SNAPC1: variants seen among roughly 807,000 people sequenced by gnomAD.
SNAPC1 encodes the protein small nuclear RNA activating complex polypeptide 1, also known as snRNA-activating protein complex subunit 1.
Under a neutral mutation model 50.1 loss-of-function variants are expected in SNAPC1, and 42 were observed. The ratio of observed to expected loss-of-function variants is 0.84; its 90% CI spans 0.65 to 1.08. The LOEUF (loss-of-function observed/expected upper bound fraction) is 1.08, where lower values mean the gene tolerates loss of function less well. Ranked by LOEUF, SNAPC1 falls within the 50% of genes least tolerant of loss-of-function variation. The pLI, the probability that SNAPC1 is intolerant of heterozygous loss-of-function variation, is 0.00. For missense variants in SNAPC1, 477 were observed against 427.3 expected, an observed-to-expected ratio of 1.12 and a Z score of -1.02; for synonymous variants, 164 against 144.2, an observed-to-expected ratio of 1.14 and a Z score of -0.98.
In SNAPC1 at chr14:61,778,794, T is replaced by G; in HGVS notation, c.763-54T>G. Reference sequence around the variant, plus strand: ...TAATAAATACTTGGGTATTCAGTTTTTCACCTAATGTTTGTGTGTTTTAAC... The same window carrying G: ...TAATAAATACTTGGGTATTCAGTTTGTCACCTAATGTTTGTGTGTTTTAAC... On this transcript the variant is annotated intron_variant, in intron 6 of 9. Transcript: ENST00000216294. The G allele has an allele frequency of 3.7e-6, 4 of 1,068,156 alleles. No individual in the cohort carries two copies. The South Asian group carries it at 5.5e-5, about 15-fold the overall frequency. The allele number at this position is 1,068,156 out of a possible 1,614,324, so 66.2% of individuals were successfully genotyped here.
At chr14:61,767,485 A>G (rs2044956983) in intron 3 of SNAPC1, 133 bp downstream of exon 3, 1 of 486,232 alleles carries the variant, frequency 2.1e-6, no homozygotes, top group Non-Finnish European at 3.2e-6. Flanking sequence ...TTTTTTTTAG[A>G]CAGAGTCTTG....
chr14:61,775,937 T>TA (rs2045032198), intron 4 of SNAPC1, among the ~76,000 whole-genome samples, 158 bp from the exon 5 acceptor site: 1 of 152,214 alleles, frequency 6.6e-6, no homozygotes, highest in African/African-American at 2.4e-5. Context: ...GAAGTTGTAC[T>TA]ATTTTGCTTA....
At chr14:61,788,265 T>C (rs1235914391) in intron 8 of SNAPC1, among the ~76,000 whole-genome samples, 2 of 152,236 alleles carry the variant, frequency 1.3e-5, no homozygotes, top group Non-Finnish European at 2.9e-5. Flanking sequence ...TAAGGTATTG[T>C]AAATACTCTG....
intron 8 of SNAPC1, 127 bp from the exon 9 acceptor site, chr14:61,792,680 C>T (rs1387676352): frequency 6.3e-6 from 3 of 479,568 alleles, no homozygotes; most frequent in African/African-American, 4.1e-5. Flanking sequence ...ATTTCTGTTA[C>T]CATTACAGTT....
rs931799459 is a variant in SNAPC1 at position 61,770,741 on chromosome 14, C to CT, written c.534+2010dup. Reference sequence around the variant, plus strand: ...AAAATTGATGTCATACATATGGATCCTTTTTTTTTGAGATAGATTCTCTCA... The same window carrying CT: ...AAAATTGATGTCATACATATGGATCCTTTTTTTTTTGAGATAGATTCTCTCA... On this transcript the variant is annotated intron_variant, in intron 4 of 9. Transcript: ENST00000216294. Among the ~76,000 whole-genome samples, 7 of 151,000 alleles carry CT rather than the reference C, an allele frequency of 4.6e-5. No homozygotes were observed. In the East Asian group the frequency reaches 5.8e-4, roughly 12 times the overall value.
At chr14:61,772,994 T>C (rs1045061472) in intron 4 of SNAPC1, among the ~76,000 whole-genome samples, 4 of 152,240 alleles carry the variant, frequency 2.6e-5, no homozygotes, top group Non-Finnish European at 5.9e-5. Flanking sequence ...CTATATCTTT[T>C]GTCCTAGCAT....
At chr14:61,762,690 C>A in intron 1 of SNAPC1, 102 bp downstream of exon 1, 2 of 1,382,392 alleles carry the variant, frequency 1.4e-6, no homozygotes, top group Non-Finnish European at 1.0e-6. Context: ...CTGAGAAGAG[C>A]GGCAGTCACC....
chr14:61,768,485 A>G, intron 3 of SNAPC1, 151 bp from the exon 4 acceptor site: 2 of 536,654 alleles, frequency 3.7e-6, no homozygotes, highest in South Asian at 5.6e-5. Flanking sequence ...CAGTCTTTGG[A>G]ACGTGGATAT....
rs779476626 is a variant in SNAPC1, at chr14:61,782,310, G to C, written c.889G>C (p.Gly297Arg). The C allele has an allele frequency of 1.2e-6, 2 of 1,613,002 alleles. No homozygotes were observed. The highest frequency in any genetic ancestry group is 1.7e-6 in the Non-Finnish European group (2 of 1,179,340). ...LDSSDSDSAS[G>R]QGQVKATRKK... ...CTCTTCTGACTCTGATTCTGCATCT[G>C]GTCAAGGGCAAGTCAAAGCAACTAG... is the stretch of plus-strand genomic sequence containing the variant. The change falls in exon 8 of 10, where the codon GGT becomes CGT. Residue 297 changes from glycine to arginine, a missense_variant. By Grantham distance (125) the Gly-to-Arg change is moderately radical. Coordinates refer to ENST00000216294, the MANE Select transcript of SNAPC1 (RefSeq NM_003082.4).
At position 61,789,373 on chromosome 14, in the gene SNAPC1, T is replaced by TA. The variant is rs111815972; in HGVS notation, c.977-3427dup. ...AAAAGTATGATCTCGTTTCTATTAA[T>TA]AAAAAAATATACATACATACACACA... is the stretch of plus-strand genomic sequence containing the variant. On this transcript the variant is annotated intron_variant, in intron 8 of 9. Transcript: ENST00000216294. Among the ~76,000 whole-genome samples, 611 of 152,160 alleles carry TA rather than the reference T, an allele frequency of 4.0e-3. 4 individuals carry two copies. The highest frequency in any genetic ancestry group is 0.014 in the African/African-American group (579 of 41,508).
rs1032990313 is a variant in SNAPC1 at position 61,779,030 on chromosome 14, T to A, written c.825+120T>A. ...TAAAAGTCAAATAATGCTAGAGAGATTATATAGCACAACAGTCCCCTTCTC... is the reference window on the plus strand; with the variant it reads ...TAAAAGTCAAATAATGCTAGAGAGAATATATAGCACAACAGTCCCCTTCTC... On this transcript the variant is annotated intron_variant, in intron 7 of 9. Transcript: ENST00000216294. 2.3e-5 allele frequency: 14 copies of A among 601,110 alleles called. No individual in the cohort carries two copies. The African/African-American group carries it at 2.7e-4, about 12-fold the overall frequency. The allele number at this position is 601,110 out of a possible 1,614,324, so 37.2% of individuals were successfully genotyped here. A position where few individuals can be genotyped will look rare whatever the true frequency, so the allele number is the denominator to read the frequency against.
Position 61,782,237 on chromosome 14 carries a change from A to G in SNAPC1, c.826-10A>G. The G allele has an allele frequency of 6.4e-7, 1 of 1,550,826 alleles. No individual in the cohort carries two copies. The highest frequency in any genetic ancestry group is 8.7e-7 in the Non-Finnish European group (1 of 1,151,296). ...ATAATTTATTGGTTAATTGGATTGT[A>G]ACTCTTAAGGCATCCAAATCAAGAA... On this transcript the variant is annotated splice_polypyrimidine_tract_variant and intron_variant, in intron 7 of 9. Transcript: ENST00000216294.
At chr14:61,781,773 A>G (rs1253200185) in intron 7 of SNAPC1, among the ~76,000 whole-genome samples, 3 of 152,220 alleles carry the variant, frequency 2.0e-5, no homozygotes, top group African/African-American at 7.2e-5. Flanking sequence ...TTCATTAGCC[A>G]TGATACATAC....
At chr14:61,776,704 G>A (rs757489435) in intron 5 of SNAPC1, among the ~76,000 whole-genome samples, 2 of 152,180 alleles carry the variant, frequency 1.3e-5, no homozygotes, top group South Asian at 2.1e-4. Context: ...AAATTCAGAA[G>A]GTCTGGTAAC....
At chr14:61,793,145 A>C (rs549815150) in intron 9 of SNAPC1, among the ~76,000 whole-genome samples, 39 of 152,342 alleles carry the variant, frequency 2.6e-4, no homozygotes, top group Admixed American at 4.6e-4. Context: ...CTTTGTAGAG[A>C]TGTCTCTGTC....
In SNAPC1 at chr14:61,782,383, C is replaced by CG; in HGVS notation, c.962_963insG (p.Leu322SerfsTer15). 6.2e-7 allele frequency: 1 copy of CG among 1,607,598 alleles called. No homozygotes were observed. The highest frequency in any genetic ancestry group is 1.1e-5 in the South Asian group (1 of 89,572). ...TTGAAACCAGCAGGAAGGAAGATGT[C>CG]TCTCAGAAACAAAGGTAACTTTTTA... On this transcript the variant is annotated frameshift_variant, in exon 8 of 10. Coordinates refer to ENST00000216294, the MANE Select transcript of SNAPC1 (RefSeq NM_003082.4). LOFTEE classifies it high-confidence loss of function.
chr14:61,782,463 A>C (rs1318731883), intron 8 of SNAPC1, 66 bp downstream of exon 8: 7 of 1,278,848 alleles, frequency 5.5e-6, no homozygotes, highest in African/African-American at 1.5e-5. Flanking sequence ...ACTTTGCCTC[A>C]TGTTTATTTC....
intron 4 of SNAPC1, among the ~76,000 whole-genome samples, chr14:61,771,900 G>A (rs923314817): frequency 6.6e-6 from 1 of 152,178 alleles, no homozygotes; most frequent in African/African-American, 2.4e-5. Flanking sequence ...GCATCATGGG[G>A]ATCAGGGAAC....
chr14:61,789,055 A>G (rs1254753619), intron 8 of SNAPC1, among the ~76,000 whole-genome samples: 3 of 152,032 alleles, frequency 2.0e-5, no homozygotes, highest in African/African-American at 7.2e-5. Context: ...ATATGGTGAA[A>G]CCCCACCTCT....
Sources: allele counts gnomAD v4.1 joint callset (sites outside exome capture counted in the v4.1 genomes callset), GRCh38; gene constraint gnomAD v4.1.1; transcripts MANE v1.5; gene names NCBI Gene and HGNC (gene_info 2026-07-23, HGNC 2026-07-21).